Variants in GMPR observed in about 807,000 individuals in gnomAD.
GMPR encodes the protein GMP reductase 1.
In GMPR, 31 loss-of-function variants were observed where a neutral mutation model predicts 38.4. The ratio of observed to expected loss-of-function variants is 0.81; its 90% CI spans 0.61 to 1.09. The LOEUF is 1.09. Among genes scored for constraint, GMPR ranks in the 50% least tolerant of loss-of-function variants. The pLI, the probability that GMPR is intolerant of heterozygous loss-of-function variation, is 0.00. For synonymous variants in GMPR, 162 were observed against 173.3 expected (o/e 0.93, Z 0.51); for missense variants, 468 against 453.7 (o/e 1.03, Z -0.29).
At chr6:16,260,087 G>T (rs895164284) in intron 4 of GMPR, among the ~76,000 whole-genome samples, 2 of 152,064 alleles carry the variant, frequency 1.3e-5, no homozygotes, top group African/African-American at 4.8e-5. Context: ...GCTCAAATAG[G>T]CTGTACTTTG....
intron 1 of GMPR, among the ~76,000 whole-genome samples, chr6:16,240,760 A>G (rs530541436): frequency 6.6e-6 from 1 of 152,378 alleles, no homozygotes; most frequent in South Asian, 2.1e-4. Context: ...AGTTTGGGAT[A>G]GCATCTTTGC....
At chr6:16,265,910 G>A (rs948215383) in intron 4 of GMPR, among the ~76,000 whole-genome samples, 1 of 152,196 alleles carries the variant, frequency 6.6e-6, no homozygotes, top group African/African-American at 2.4e-5. Context: ...GCAAAGATGT[G>A]CAGTTTCACT....
At chr6:16,265,892 CACTT>C (rs1759193825) in intron 4 of GMPR, among the ~76,000 whole-genome samples, 2 of 152,336 alleles carry the variant, frequency 1.3e-5, no homozygotes, top group South Asian at 2.1e-4. Context: ...TGAGCTGTAA[CACTT>C]ACTGCAAAGA....
At chr6:16,271,201 T>G (rs1349655531) in intron 4 of GMPR, among the ~76,000 whole-genome samples, 1 of 152,040 alleles carries the variant, frequency 6.6e-6, no homozygotes, top group African/African-American at 2.4e-5. Context: ...AAAATGAAAT[T>G]GTGGCCGGGC....
chr6:16,253,616 TG>T (rs140790026), intron 3 of GMPR, among the ~76,000 whole-genome samples: 14,267 of 150,510 alleles, frequency 0.095, 717 homozygotes, highest in African/African-American at 0.13. Context: ...CCACCTCCAC[TG>T]GGGGGGGGTC....
At chr6:16,286,382 G>C (rs1759679037) in intron 7 of GMPR, among the ~76,000 whole-genome samples, 2 of 152,056 alleles carry the variant, frequency 1.3e-5, no homozygotes, top group South Asian at 2.1e-4. Context: ...ACCACAAGCA[G>C]TAAAGTACGG....
At chr6:16,258,562 T>A (rs1759023409) in intron 4 of GMPR, among the ~76,000 whole-genome samples, 1 of 152,242 alleles carries the variant, frequency 6.6e-6, no homozygotes. Context: ...CGAGGCCCTC[T>A]CCAGCACCCG....
At chr6:16,258,396 CCAGGAAGGAGGGAAGTG>C (rs1759017841) in intron 4 of GMPR, among the ~76,000 whole-genome samples, 1 of 152,122 alleles carries the variant, frequency 6.6e-6, no homozygotes, top group South Asian at 2.1e-4. Context: ...AGGACAAAGA[CCAGGAAGGAGGGAAGTG>C]CAGGAAGGAG....
chr6:16,244,674 G>A (rs1226396597), intron 1 of GMPR, among the ~76,000 whole-genome samples: 2 of 152,108 alleles, frequency 1.3e-5, no homozygotes, highest in East Asian at 3.8e-4. Flanking sequence ...TCTATATTTG[G>A]CGTATTGGCC....
intron 8 of GMPR, among the ~76,000 whole-genome samples, chr6:16,291,062 C>T (rs181612762): frequency 8.4e-4 from 128 of 152,236 alleles, no homozygotes; most frequent in African/African-American, 2.7e-3. Flanking sequence ...GACCACTGCA[C>T]GGTGGCCAGG....
In GMPR at chr6:16,246,859, C is replaced by T. The variant is rs745970404; in HGVS notation, c.105C>T (p.Thr35=). ...GCCAACAGGTGGATCTTGAACGCAC[C>T]TTCACGTTTCGAAATTCAAAGCAGA... ...KSRAEVDLER[T]FTFRNSKQTY... is the part of the protein sequence containing the mutation. Residue 35 remains threonine (T), a synonymous_variant, in exon 2 of 9, where the codon ACC becomes ACT. Coordinates refer to ENST00000259727, the MANE Select transcript of GMPR (RefSeq NM_006877.4). 4.3e-6 allele frequency: 7 copies of T among 1,613,580 alleles called. No individual in the cohort carries two copies. The highest frequency in any genetic ancestry group is 5.9e-6 in the Non-Finnish European group (7 of 1,179,610).
intron 7 of GMPR, among the ~76,000 whole-genome samples, chr6:16,287,700 C>T (rs1759713479): frequency 6.6e-6 from 1 of 152,214 alleles, no homozygotes; most frequent in Non-Finnish European, 1.5e-5. Flanking sequence ...ACCAGTTATC[C>T]TCTGCCTCCT....
chr6:16,267,919 C>T (rs1218419776), intron 4 of GMPR, among the ~76,000 whole-genome samples: 1 of 152,246 alleles, frequency 6.6e-6, no homozygotes, highest in African/African-American at 2.4e-5. Flanking sequence ...CATTTCCATG[C>T]ATGACTGATG....
chr6:16,276,006 G>T (rs1468693350), intron 5 of GMPR, among the ~76,000 whole-genome samples: 1 of 152,024 alleles, frequency 6.6e-6, no homozygotes. Flanking sequence ...GGAGGTGAAG[G>T]TTGCAGTAAG....
rs559770825 is a variant in GMPR at position 16,291,875 on chromosome 6, T to C, written c.857+1254T>C. On this transcript the variant is annotated intron_variant, in intron 8 of 8. Coordinates refer to ENST00000259727, the MANE Select transcript of GMPR (RefSeq NM_006877.4). ...GCAGTGAGCTATGATCGTGCCACTG[T>C]GCTCCAGCCTGGGCAACAGAGTGAT... is the stretch of plus-strand genomic sequence containing the variant. Among the ~76,000 whole-genome samples the C allele has an allele frequency of 2.0e-5, 3 of 149,322 alleles. No homozygotes were observed. The South Asian group carries it at 6.4e-4, about 32-fold the overall frequency.
intron 8 of GMPR, among the ~76,000 whole-genome samples, chr6:16,294,301 G>A (rs1561837804): frequency 1.3e-5 from 2 of 152,210 alleles, no homozygotes; most frequent in African/African-American, 2.4e-5. Context: ...TAAGAGAACA[G>A]GGAGTCGAAC....
chr6:16,239,101 A>G (rs1490300576), intron 1 of GMPR, among the ~76,000 whole-genome samples: 2 of 152,210 alleles, frequency 1.3e-5, no homozygotes, highest in African/African-American at 2.4e-5. Context: ...GGGCGCTTAT[A>G]GCAAGAAAAG....
intron 4 of GMPR, among the ~76,000 whole-genome samples, chr6:16,265,607 A>T (rs1488200696): frequency 6.9e-6 from 1 of 145,404 alleles, no homozygotes; most frequent in Non-Finnish European, 1.6e-5. Flanking sequence ...CTGTAAAAAT[A>T]GCACCAAGCA....
intron 7 of GMPR, among the ~76,000 whole-genome samples, chr6:16,288,296 C>A (rs546793613): frequency 6.6e-6 from 1 of 152,338 alleles, no homozygotes; most frequent in Admixed American, 6.5e-5. Flanking sequence ...GAGGCGCTTG[C>A]GGGCCAGCTG....
Sources: gnomAD v4.1 joint callset for allele counts (sites outside exome capture counted in the v4.1 genomes callset) on GRCh38, gnomAD v4.1.1 for gene constraint, MANE v1.5 for transcripts, NCBI Gene and HGNC (gene_info 2026-07-23, HGNC 2026-07-21) for gene names.